TNNI3K: variants seen among roughly 807,000 people sequenced by gnomAD.
TNNI3K encodes the protein serine/threonine-protein kinase TNNI3K.
TNNI3K carries 140 observed loss-of-function variants against 114.5 expected under a neutral mutation model. The observed-to-expected ratio is 1.22, with a 90% confidence interval of 1.07 to 1.41. The LOEUF (loss-of-function observed/expected upper bound fraction) is 1.41. Among genes scored for constraint, TNNI3K ranks in the 40% most tolerant of loss-of-function variants. The pLI is 0.00. For synonymous variants in TNNI3K, 347 were observed against 347.5 expected (o/e 1.00, Z 0.02); for missense variants, 1,125 against 1,007.6 (o/e 1.12, Z -1.58).
chr1:74,428,131 A>G (rs567133975), intron 17 of TNNI3K, among the ~76,000 whole-genome samples: 51 of 152,188 alleles, frequency 3.4e-4, no homozygotes, highest in African/African-American at 1.2e-3. Context: ...CTTTGCATTT[A>G]TTGGAGTTTT....
intron 23 of TNNI3K, among the ~76,000 whole-genome samples, chr1:74,525,128 G>C (rs1174329396): frequency 6.6e-6 from 1 of 152,188 alleles, no homozygotes; most frequent in Non-Finnish European, 1.5e-5. Flanking sequence ...ATTGGGGAGA[G>C]AGAAGCTGAG....
chr1:74,370,489 A>G, intron 17 of TNNI3K, 97 bp downstream of exon 17: 2 of 1,069,642 alleles, frequency 1.9e-6, no homozygotes, highest in South Asian at 1.9e-5. Context: ...ATTGCAGATC[A>G]GGGTACTCTG....
chr1:74,521,944 C>T (rs1054320316), intron 23 of TNNI3K, among the ~76,000 whole-genome samples: 3 of 152,070 alleles, frequency 2.0e-5, no homozygotes, highest in African/African-American at 7.3e-5. Context: ...GGGCTGCATC[C>T]AACTGTTGTT....
chr1:74,434,885 C>A (rs1406196364), intron 17 of TNNI3K, among the ~76,000 whole-genome samples: 1 of 151,980 alleles, frequency 6.6e-6, no homozygotes, highest in Admixed American at 6.6e-5. Flanking sequence ...TTATAAATGT[C>A]AAGTCAAGGC....
intron 5 of TNNI3K, among the ~76,000 whole-genome samples, chr1:74,274,168 G>A (rs757970308): frequency 6.6e-6 from 1 of 151,852 alleles, no homozygotes; most frequent in East Asian, 1.9e-4. Context: ...AAGTAAGCTA[G>A]TGAAAAGAAA....
rs45592935 is a variant in TNNI3K at position 74,344,003 on chromosome 1, T to C, written c.932+824T>C. On this transcript the variant is annotated intron_variant, in intron 9 of 24. Transcript: ENST00000326637. ...CATTTGCCTACACATTACATATGTT[T>C]CCATTAGTTTGTAACCTCTAAAATT... Among the ~76,000 whole-genome samples the C allele has an allele frequency of 2.1e-3, 324 of 152,322 alleles. 1 individual carries two copies. The highest frequency in any genetic ancestry group is 7.4e-3 in the African/African-American group (307 of 41,584).
At chr1:74,331,365 G>T in intron 5 of TNNI3K, 85 bp from the exon 6 acceptor site, 1 of 1,392,660 alleles carries the variant, frequency 7.2e-7, no homozygotes. Context: ...TCCTGATGAA[G>T]ATTTGTGCAT....
intron 20 of TNNI3K, among the ~76,000 whole-genome samples, chr1:74,451,654 TC>T (rs913699660): frequency 1.6e-4 from 15 of 96,734 alleles, no homozygotes; most frequent in African/African-American, 5.4e-4. Context: ...TTCTTTCCTT[TC>T]TTTTTTCTTT....
At chr1:74,348,140 G>T (rs533887012) in intron 9 of TNNI3K, among the ~76,000 whole-genome samples, 37 of 151,474 alleles carry the variant, frequency 2.4e-4, no homozygotes, top group Non-Finnish European at 4.7e-4. Context: ...GGTCTAACAT[G>T]TAAGTCTTTA....
intron 4 of TNNI3K, among the ~76,000 whole-genome samples, chr1:74,253,033 G>A (rs564212836): frequency 9.9e-5 from 15 of 152,230 alleles, no homozygotes; most frequent in Admixed American, 9.2e-4. Context: ...TTGACAAGGT[G>A]CTGATTGGTG....
chr1:74,542,204 C>T (rs151283117), intron 24 of TNNI3K, among the ~76,000 whole-genome samples: 3 of 152,204 alleles, frequency 2.0e-5, no homozygotes, highest in East Asian at 3.9e-4. Flanking sequence ...AGGGTAGAGC[C>T]CACCCACCCT....
intron 17 of TNNI3K, among the ~76,000 whole-genome samples, chr1:74,427,169 T>TGCATTTCA (rs1665678687): frequency 6.6e-6 from 1 of 151,746 alleles, no homozygotes. Context: ...AAATGTCCAG[T>TGCATTTCA]GCATTTCAGG....
chr1:74,367,844 T>C, intron 12 of TNNI3K, 64 bp from the exon 13 acceptor site: 1 of 1,458,768 alleles, frequency 6.9e-7, no homozygotes, highest in East Asian at 2.5e-5. Flanking sequence ...TTTTATAATG[T>C]TGAACTTTTA....
chr1:74,509,987 C>G (rs994946696), intron 23 of TNNI3K, among the ~76,000 whole-genome samples: 2 of 151,952 alleles, frequency 1.3e-5, no homozygotes, highest in African/African-American at 4.8e-5. Context: ...TTCCTGAATT[C>G]AAGCGATCTG....
At chr1:74,460,268 C>T (rs989989721) in intron 20 of TNNI3K, among the ~76,000 whole-genome samples, 8 of 152,076 alleles carry the variant, frequency 5.3e-5, no homozygotes, top group African/African-American at 1.7e-4. Context: ...GCGGTTTCAC[C>T]GTGTTAGCCA....
chr1:74,392,437 C>G (rs1165127574), intron 17 of TNNI3K, among the ~76,000 whole-genome samples: 3 of 152,192 alleles, frequency 2.0e-5, no homozygotes, highest in African/African-American at 4.8e-5. Flanking sequence ...TTTAACTCCT[C>G]GTCTCTGACT....
At chr1:74,518,899 T>C (rs7535572) in intron 23 of TNNI3K, among the ~76,000 whole-genome samples, 2,683 of 96,344 alleles carry the variant, frequency 0.028, 303 homozygotes, top group African/African-American at 0.17. Context: ...TTTTTTATTA[T>C]ACTCTAAGTT....
At chr1:74,370,072 A>T (rs12037555) in intron 16 of TNNI3K, among the ~76,000 whole-genome samples, 2 of 152,016 alleles carry the variant, frequency 1.3e-5, no homozygotes, top group East Asian at 3.9e-4. Flanking sequence ...ACCAAGTATA[A>T]TATCTTAAAC....
At chr1:74,436,260 T>C (rs1198451124) in intron 18 of TNNI3K, 128 bp downstream of exon 18, 30 of 1,285,758 alleles carry the variant, frequency 2.3e-5, no homozygotes, top group Non-Finnish European at 3.1e-5. Flanking sequence ...CTGACAGCTA[T>C]CCTACCATAA....
Sources: allele counts gnomAD v4.1 joint callset (sites outside exome capture counted in the v4.1 genomes callset), GRCh38; gene constraint gnomAD v4.1.1; transcripts MANE v1.5; gene names NCBI Gene and HGNC (gene_info 2026-07-23, HGNC 2026-07-21).